Variants in IL31RA observed in about 807,000 individuals in gnomAD.
IL31RA encodes interleukin-31 receptor subunit alpha.
Under a neutral mutation model 83.7 loss-of-function variants are expected in IL31RA, and 66 were observed. The ratio of observed to expected loss-of-function variants is 0.79; its 90% CI spans 0.65 to 0.97. IL31RA has a LOEUF of 0.97. IL31RA is among the 50% of genes least tolerant of loss of function. The pLI, the probability that IL31RA is intolerant of heterozygous loss-of-function variation, is 0.00. For synonymous variants in IL31RA, 325 were observed against 329.0 expected (o/e 0.99, Z 0.13); for missense variants, 798 against 919.4 (o/e 0.87, Z 1.71).
chr5:55,846,574 G>T (rs888861191), upstream of IL31RA, among the ~76,000 whole-genome samples: 1 of 152,124 alleles, frequency 6.6e-6, no homozygotes, highest in African/African-American at 2.4e-5. Context: ...TGAGGTGGGC[G>T]GATCACGAGG....
intron 2 of IL31RA, among the ~76,000 whole-genome samples, chr5:55,860,020 G>A (rs532857195): frequency 6.6e-6 from 1 of 152,072 alleles, no homozygotes; most frequent in South Asian, 2.1e-4. Flanking sequence ...GGCATGAAGA[G>A]ATTAAAACAA....
intron 1 of IL31RA, chr5:55,853,414 A>G (rs1745170578): frequency 2.1e-6 from 3 of 1,442,520 alleles, no homozygotes; most frequent in African/African-American, 2.9e-5. Context: ...CTCGCAGACA[A>G]TCAGAGTGGA....
intron 6 of IL31RA, 122 bp from the exon 7 acceptor site, chr5:55,896,225 CACT>C: frequency 1.3e-6 from 1 of 740,750 alleles, no homozygotes; most frequent in Non-Finnish European, 2.5e-6. Context: ...GCCATCCCTC[CACT>C]CCTCACCTTA....
chr5:55,890,873 G>A (rs917001022), intron 6 of IL31RA, among the ~76,000 whole-genome samples: 6 of 152,160 alleles, frequency 3.9e-5, no homozygotes, highest in African/African-American at 7.2e-5. Context: ...TAAGAGCAAC[G>A]CTTCCAGTCA....
chr5:55,868,988 AT>A, intron 3 of IL31RA, 80 bp downstream of exon 3: 1 of 855,176 alleles, frequency 1.2e-6, no homozygotes, highest in Non-Finnish European at 2.0e-6. Flanking sequence ...TTCACATCCC[AT>A]ATGAAGCAAA....
chr5:55,872,143 T>C (rs751555520), intron 3 of IL31RA, 127 bp from the exon 4 acceptor site: 15 of 714,960 alleles, frequency 2.1e-5, no homozygotes, highest in Non-Finnish European at 3.6e-5. Context: ...TAACCAAATA[T>C]CCTGGACTAT....
chr5:55,879,425 C>CTTTTTTTTTTCTTTTTTTTTTTTTTT (rs1747057296), intron 4 of IL31RA, among the ~76,000 whole-genome samples: 1 of 45,800 alleles, frequency 2.2e-5, no homozygotes, highest in Non-Finnish European at 3.6e-5. Context: ...AGTTTCTGTC[C>CTTTTTTTTTTCTTTTTTTTTTTTTTT]TTTTTTTTTT....
At chr5:55,858,763 A>C (rs1745496525) in intron 1 of IL31RA, among the ~76,000 whole-genome samples, 1 of 152,224 alleles carries the variant, frequency 6.6e-6, no homozygotes, top group Admixed American at 6.5e-5. Flanking sequence ...AAGAGCCAGC[A>C]TTCTTTTTGT....
chr5:55,900,226 A>G, intron 8 of IL31RA, 94 bp downstream of exon 8: 1 of 909,270 alleles, frequency 1.1e-6, no homozygotes, highest in Non-Finnish European at 1.8e-6. Context: ...GTTTCTCTTG[A>G]GTCAAAATGA....
intron 14 of IL31RA, among the ~76,000 whole-genome samples, chr5:55,915,314 A>G (rs1749724204): frequency 6.6e-6 from 1 of 152,228 alleles, no homozygotes; most frequent in Non-Finnish European, 1.5e-5. Context: ...ACATTAATCT[A>G]AAGACTGTCT....
intron 6 of IL31RA, among the ~76,000 whole-genome samples, chr5:55,894,196 T>G (rs1748193752): frequency 6.6e-6 from 1 of 152,108 alleles, no homozygotes; most frequent in South Asian, 2.1e-4. Flanking sequence ...ACAGAGAGAT[T>G]CTGCACGTGA....
At chr5:55,856,205 TA>T (rs1384098180) in intron 1 of IL31RA, among the ~76,000 whole-genome samples, 7 of 152,328 alleles carry the variant, frequency 4.6e-5, no homozygotes, top group African/African-American at 1.7e-4. Flanking sequence ...CCAACATCTT[TA>T]AGCATAGGAC....
At chr5:55,842,686 C>T in the IL31RA span, among the ~76,000 whole-genome samples, 6 of 152,286 alleles carry the variant, frequency 3.9e-5, no homozygotes, top group East Asian at 1.9e-4. Flanking sequence ...ACTTTGTTTA[C>T]GTGTCCATTT....
chr5:55,899,827 C>T (rs1314634699), intron 7 of IL31RA, 89 bp from the exon 8 acceptor site: 5 of 861,740 alleles, frequency 5.8e-6, no homozygotes, highest in South Asian at 4.1e-5. Flanking sequence ...TAGCCTTATT[C>T]CCCACCCTCA....
At chr5:55,880,483 A>T (rs1015258094) in intron 4 of IL31RA, among the ~76,000 whole-genome samples, 2 of 152,240 alleles carry the variant, frequency 1.3e-5, no homozygotes, top group East Asian at 3.8e-4. Flanking sequence ...TAAAAATTTT[A>T]AAAATTAAAA....
chr5:55,896,482 C>A, intron 7 of IL31RA, 53 bp downstream of exon 7: 1 of 869,512 alleles, frequency 1.2e-6, no homozygotes, highest in Non-Finnish European at 1.9e-6. Flanking sequence ...TCCCTCCTTT[C>A]CCTCCCTTCC....
rs1367636318 is a variant in IL31RA at position 55,908,385 on chromosome 5, A to G, written c.1475A>G (p.Tyr492Cys). Residue 492 changes from tyrosine (Y) to cysteine (C), a missense_variant, in exon 11 of 15, where the codon TAC becomes TGC. Transcript: ENST00000652347. ...ATCATCTGCAACTACACCATCTTTT[A>G]CCAAGCTGAAGGTGGAAAAGGATTC... ...KGIICNYTIF[Y>C]QAEGGKGFSK... 2 of 1,614,160 alleles carry G rather than the reference A, an allele frequency of 1.2e-6. No individual in the cohort carries two copies. The highest frequency in any genetic ancestry group is 1.7e-6 in the Non-Finnish European group (2 of 1,180,044).
chr5:55,887,882 CAA>C (rs1278747916), intron 5 of IL31RA, among the ~76,000 whole-genome samples: 1 of 135,656 alleles, frequency 7.4e-6, no homozygotes, highest in Non-Finnish European at 1.6e-5. Flanking sequence ...GACTCTGTCT[CAA>C]AAAAAAAAAG....
At chr5:55,839,926 G>C in the IL31RA span, 29 of 681,014 alleles carry the variant, frequency 4.3e-5, no homozygotes, top group Non-Finnish European at 3.0e-5. Context: ...TTTGAATTTT[G>C]CAGTCAGAAG....
Sources: gnomAD v4.1 joint callset for allele counts (sites outside exome capture counted in the v4.1 genomes callset) on GRCh38, gnomAD v4.1.1 for gene constraint, MANE v1.5 for transcripts, NCBI Gene and HGNC (gene_info 2026-07-23, HGNC 2026-07-21) for gene names.